Variants in SPATA16 observed in about 807,000 individuals in gnomAD.
The protein encoded by SPATA16 is spermatogenesis-associated protein 16.
Under a neutral mutation model 63.3 loss-of-function variants are expected in SPATA16, and 36 were observed. That is an observed-to-expected ratio of 0.57 (90% CI 0.44 to 0.75). SPATA16 has a LOEUF of 0.75. SPATA16 is among the 30% of genes least tolerant of loss of function. SPATA16 has a pLI of 0.00. For synonymous variants in SPATA16, 203 were observed against 216.7 expected, an observed-to-expected ratio of 0.94 and a Z score of 0.56; for missense variants, 646 against 679.3, an observed-to-expected ratio of 0.95 and a Z score of 0.54.
intron 6 of SPATA16, among the ~76,000 whole-genome samples, chr3:172,947,779 G>C (rs962456531): frequency 6.6e-6 from 1 of 152,016 alleles, no homozygotes; most frequent in Non-Finnish European, 1.5e-5. Context: ...GGCCTGTCGG[G>C]GAGTGAGGGG....
At chr3:172,990,697 G>A (rs781633370) in intron 4 of SPATA16, among the ~76,000 whole-genome samples, 5 of 152,176 alleles carry the variant, frequency 3.3e-5, no homozygotes, top group African/African-American at 4.8e-5. Flanking sequence ...CAGACTTTAT[G>A]TCTGAGTACC....
At chr3:173,075,502 T>C (rs530626988) in intron 2 of SPATA16, among the ~76,000 whole-genome samples, 1 of 152,318 alleles carries the variant, frequency 6.6e-6, no homozygotes, top group East Asian at 1.9e-4. Context: ...GTATTCACAA[T>C]AGCCAAGATA....
At chr3:172,964,838 T>G (rs538986626) in intron 5 of SPATA16, among the ~76,000 whole-genome samples, 1 of 152,334 alleles carries the variant, frequency 6.6e-6, no homozygotes, top group East Asian at 1.9e-4. Flanking sequence ...TTTTATCTTT[T>G]GGGCTATTAT....
chr3:173,037,418 G>C (rs1735738530), intron 3 of SPATA16, among the ~76,000 whole-genome samples: 1 of 152,074 alleles, frequency 6.6e-6, no homozygotes, highest in African/African-American at 2.4e-5. Flanking sequence ...TAAATGCAGA[G>C]TGAAGTATAT....
intron 10 of SPATA16, among the ~76,000 whole-genome samples, chr3:172,905,258 C>T (rs1324054963): frequency 6.6e-6 from 1 of 152,094 alleles, no homozygotes; most frequent in Admixed American, 6.6e-5. Flanking sequence ...GAACAAGACA[C>T]ACAGGAAAAG....
intron 5 of SPATA16, among the ~76,000 whole-genome samples, chr3:172,963,718 G>T (rs1280863695): frequency 2.6e-5 from 4 of 151,694 alleles, no homozygotes; most frequent in African/African-American, 7.3e-5. Context: ...TATTTCCATG[G>T]TCCTTCAAGA....
chr3:173,114,275 C>T lies in SPATA16; in HGVS notation c.612+2845G>A, dbSNP rs137917670. ...ACTTATCCTTCAATACCTATTTTCT[C>T]CTTCTTTCTCAGTAACAGAACTTCA... On this transcript the variant is annotated intron_variant, in intron 2 of 10. Transcript: ENST00000351008. 2.5e-3 allele frequency among the ~76,000 whole-genome samples: 377 copies of T among 152,016 alleles called. 14 individuals are homozygous for T. In the East Asian group the frequency reaches 0.054, roughly 22 times the overall value.
intron 5 of SPATA16, among the ~76,000 whole-genome samples, chr3:172,969,626 A>G (rs192447030): frequency 5.3e-5 from 8 of 152,322 alleles, no homozygotes; most frequent in Non-Finnish European, 7.4e-5. Flanking sequence ...ACCTAGGCCA[A>G]CTTCCTCACT....
chr3:173,052,777 C>T (rs1470816820), intron 2 of SPATA16, among the ~76,000 whole-genome samples: 3 of 152,048 alleles, frequency 2.0e-5, no homozygotes, highest in Non-Finnish European at 2.9e-5. Context: ...TTTTGTTCAC[C>T]TTGAAACAAA....
At chr3:173,075,014 G>GA (rs1198323792) in intron 2 of SPATA16, among the ~76,000 whole-genome samples, 9 of 137,470 alleles carry the variant, frequency 6.5e-5, no homozygotes, top group South Asian at 2.3e-4. Context: ...AAAAAAAAAG[G>GA]AAAGAAAAGA....
chr3:173,080,354 C>A (rs1736895925), intron 2 of SPATA16, among the ~76,000 whole-genome samples: 1 of 152,182 alleles, frequency 6.6e-6, no homozygotes, highest in African/African-American at 2.4e-5. Flanking sequence ...AGCAAACAAG[C>A]AAACTGCAGG....
intron 2 of SPATA16, among the ~76,000 whole-genome samples, chr3:173,091,812 A>G (rs1261056795): frequency 6.6e-6 from 1 of 152,194 alleles, no homozygotes; most frequent in African/African-American, 2.4e-5. Flanking sequence ...ACTATAGGCC[A>G]GGTTATTTAT....
At chr3:173,106,094 C>T (rs1737615828) in intron 2 of SPATA16, among the ~76,000 whole-genome samples, 1 of 152,110 alleles carries the variant, frequency 6.6e-6, no homozygotes, top group Non-Finnish European at 1.5e-5. Flanking sequence ...TATATTTTCT[C>T]TATATATACA....
intron 3 of SPATA16, among the ~76,000 whole-genome samples, chr3:173,029,416 TGTTTG>T (rs796195294): frequency 3.4e-5 from 5 of 147,600 alleles, no homozygotes; most frequent in African/African-American, 1.0e-4. Flanking sequence ...GTTTTTTTTT[TGTTTG>T]TTTGTTTTGT....
At chr3:173,116,327 GT>G (rs1553804988) in intron 2 of SPATA16, among the ~76,000 whole-genome samples, 1 of 152,176 alleles carries the variant, frequency 6.6e-6, no homozygotes, top group South Asian at 2.1e-4. Context: ...GCATTGAAAT[GT>G]TTTTTGTAAG....
chr3:173,013,712 A>G (rs1480103476), intron 4 of SPATA16, among the ~76,000 whole-genome samples: 2 of 152,174 alleles, frequency 1.3e-5, no homozygotes, highest in African/African-American at 4.8e-5. Context: ...TCACTATGGC[A>G]CCCAGGTAGC....
chr3:172,917,434 C>T (rs558808263), intron 8 of SPATA16, among the ~76,000 whole-genome samples: 10 of 152,302 alleles, frequency 6.6e-5, no homozygotes, highest in African/African-American at 2.2e-4. Context: ...TTGCATTTTA[C>T]ATCCTGGTGC....
At chr3:172,974,582 A>G (rs1293085848) in intron 5 of SPATA16, among the ~76,000 whole-genome samples, 1 of 152,046 alleles carries the variant, frequency 6.6e-6, no homozygotes, top group Non-Finnish European at 1.5e-5. Flanking sequence ...GCTGGTTAGC[A>G]GCAGGAAGTA....
intron 3 of SPATA16, among the ~76,000 whole-genome samples, chr3:173,047,062 G>A (rs901091754): frequency 5.3e-5 from 8 of 151,882 alleles, no homozygotes; most frequent in African/African-American, 1.7e-4. Context: ...TCTTGAAAAA[G>A]CATTCTTACT....
Sources: gnomAD v4.1 joint callset for allele counts (sites outside exome capture counted in the v4.1 genomes callset) on GRCh38, gnomAD v4.1.1 for gene constraint, MANE v1.5 for transcripts, NCBI Gene and HGNC (gene_info 2026-07-23, HGNC 2026-07-21) for gene names.